Variants in SYNE2 observed in about 807,000 individuals in gnomAD.
SYNE2 encodes spectrin repeat containing nuclear envelope protein 2, also known as nesprin-2.
SYNE2 carries 431 observed loss-of-function variants against 856.3 expected under a neutral mutation model. That is an observed-to-expected ratio of 0.50 (90% confidence interval 0.47 to 0.55). SYNE2 has a LOEUF of 0.55. Ranked by LOEUF, SYNE2 falls within the 20% of genes least tolerant of loss-of-function variation. The probability of loss-of-function intolerance (pLI) is 0.00; values close to 1 mark genes in which losing one functional copy is unlikely to be tolerated. For missense variants in SYNE2, 8,129 were observed against 8,023.2 expected, an observed-to-expected ratio of 1.01 and a Z score of -0.50; for synonymous variants, 2,923 against 2,872.3, an observed-to-expected ratio of 1.02 and a Z score of -0.56.
At chr14:64,187,762 T>G (rs981758823) in intron 97 of SYNE2, among the ~76,000 whole-genome samples, 4 of 152,232 alleles carry the variant, frequency 2.6e-5, no homozygotes, top group African/African-American at 4.8e-5. Flanking sequence ...GCCACCCCTT[T>G]TAACGCTAAG....
rs1346485018 is a variant in SYNE2, at chr14:63,859,623, C to T, written c.-52+6480C>T. ...CACGAGGTCAAGAGCTGGAGACCAG[C>T]CTGGCCAACATAGTGAAATCCCATC... is the stretch of plus-strand genomic sequence containing the variant. On this transcript the variant is annotated intron_variant, in intron 1 of 115. Transcript: ENST00000555002. Among the ~76,000 whole-genome samples, 12 of 152,302 alleles carry T rather than the reference C, an allele frequency of 7.9e-5. No individual in the cohort carries two copies. The East Asian group carries it at 2.3e-3, about 29-fold the overall frequency.
intron 6 of SYNE2, among the ~76,000 whole-genome samples, chr14:63,943,047 T>C (rs2095948652): frequency 6.6e-6 from 1 of 152,232 alleles, no homozygotes; most frequent in African/African-American, 2.4e-5. Flanking sequence ...CTTCTTATTG[T>C]TTACTATGGC....
Position 64,141,812 on chromosome 14 carries a change from G to GTT in SYNE2, c.15160-121_15160-120dup, listed in dbSNP as rs5809213. The GTT allele has an allele frequency of 1.4e-3, 1,437 of 1,022,608 alleles. 7 individuals carry two copies. The African/African-American group carries it at 0.018, about 13-fold the overall frequency. The allele number at this position is 1,022,608 out of a possible 1,614,324, so 63.3% of individuals were successfully genotyped here. ...TATTCTAAGTTTGAATGCTGGGTTT[G>GTT]TTTTTTTTTTGAGTAACCTGCATAA... On this transcript the variant is annotated intron_variant, in intron 81 of 115. Coordinates refer to ENST00000555002, the MANE Select transcript of SYNE2 (RefSeq NM_182914.3).
At chr14:64,043,529 C>G (rs2097164159) in intron 45 of SYNE2, among the ~76,000 whole-genome samples, 2 of 152,122 alleles carry the variant, frequency 1.3e-5, no homozygotes, top group African/African-American at 4.8e-5. Flanking sequence ...TGGGCTGGGC[C>G]CAGAGTCCTT....
Position 64,047,983 on chromosome 14 carries a change from C to T in SYNE2, c.7222-17C>T, listed in dbSNP as rs1469656497. 2 of 1,612,632 alleles carry T rather than the reference C, an allele frequency of 1.2e-6. No individual in the cohort carries two copies. The highest frequency in any genetic ancestry group is 1.3e-5 in the African/African-American group (1 of 74,996). On this transcript the variant is annotated splice_polypyrimidine_tract_variant and intron_variant, in intron 45 of 115. Transcript: ENST00000555002. Reference sequence around the variant, plus strand: ...GAAAGTAGACTATTCAGCAATTAATCTTTTTATGTATTTCAGGATTCAGCT... The same window carrying T: ...GAAAGTAGACTATTCAGCAATTAATTTTTTTATGTATTTCAGGATTCAGCT...
chr14:63,817,454 C>T (rs1889036419), intron 1 of SYNE2, among the ~76,000 whole-genome samples: 1 of 151,794 alleles, frequency 6.6e-6, no homozygotes, highest in Non-Finnish European at 1.5e-5. Flanking sequence ...GTGACAGAGC[C>T]AGACCCTGTC....
intron 96 of SYNE2, 53 bp from the exon 97 acceptor site, chr14:64,186,368 AAAC>A (rs1567584833): frequency 1.2e-6 from 2 of 1,611,708 alleles, no homozygotes; most frequent in Non-Finnish European, 1.7e-6. Context: ...ACAGGTTTGG[AAAC>A]AACAGCCGCT....
chr14:63,909,279 T>C, intron 2 of SYNE2, 52 bp downstream of exon 2: 2 of 1,218,132 alleles, frequency 1.6e-6, no homozygotes, highest in South Asian at 2.4e-5. Context: ...GAAACCTTAC[T>C]TTTATCTAGT....
At chr14:64,221,546 C>T (rs768688330) in intron 111 of SYNE2, 30 bp from the exon 112 acceptor site, 25 of 1,614,032 alleles carry the variant, frequency 1.5e-5, no homozygotes, top group South Asian at 2.2e-5. Flanking sequence ...CTCTAAGACA[C>T]GGCCGCGCTC....
intron 1 of SYNE2, among the ~76,000 whole-genome samples, chr14:63,809,341 A>G (rs1344487255): frequency 2.0e-5 from 3 of 152,164 alleles, no homozygotes; most frequent in Admixed American, 6.5e-5. Flanking sequence ...AATTTTCTCA[A>G]TATTAAGAGT....
chr14:64,220,133 T>C (rs114083368), intron 110 of SYNE2, among the ~76,000 whole-genome samples: 2 of 152,226 alleles, frequency 1.3e-5, no homozygotes, highest in Non-Finnish European at 1.5e-5. Context: ...CACATATACT[T>C]TATCTGGAAG....
At position 64,143,884 on chromosome 14, in the gene SYNE2, T is replaced by C. The variant is rs147572168; in HGVS notation, c.15419T>C (p.Phe5140Ser). The C allele has an allele frequency of 2.5e-6, 4 of 1,613,998 alleles. No individual in the cohort carries two copies. In the African/African-American group the frequency reaches 5.3e-5, roughly 22 times the overall value. Residue 5140 changes from phenylalanine (F) to serine (S), a missense_variant, in exon 83 of 116, where the codon TTT (phenylalanine) becomes TCT (serine). Transcript: ENST00000555002. ...AGCAAGCGCTATGAAAGAACGGAGT[T>C]TGCAGAGCACCTGGGGGAGATGAAC... ...VESKRYERTE[F>S]AEHLGEMNRQ...
intron 1 of SYNE2, among the ~76,000 whole-genome samples, chr14:63,768,573 G>A (rs1886776353): frequency 6.6e-6 from 1 of 152,096 alleles, no homozygotes; most frequent in African/African-American, 2.4e-5. Context: ...TTGCTCAGTT[G>A]CTGCTAAAGA....
intron 11 of SYNE2, among the ~76,000 whole-genome samples, chr14:63,968,897 G>T (rs1281045371): frequency 6.6e-6 from 1 of 152,150 alleles, no homozygotes; most frequent in Non-Finnish European, 1.5e-5. Flanking sequence ...ATTATTGACT[G>T]TAGTCACCGT....
At chr14:64,057,714 T>G (rs1159864759) in intron 49 of SYNE2, among the ~76,000 whole-genome samples, 2 of 152,252 alleles carry the variant, frequency 1.3e-5, no homozygotes, top group Non-Finnish European at 2.9e-5. Context: ...CCATAGTGGT[T>G]GTACTAATTT....
rs1430702045 is a variant in SYNE2, at chr14:64,070,911, GTAAGATT to G, written c.10697+4_10697+10del. 2.7e-5 allele frequency: 44 copies of G among 1,614,000 alleles called. No individual in the cohort carries two copies. Among genetic ancestry groups the G allele is most frequent in the Non-Finnish European group, 3.6e-5 (43 of 1,179,978 alleles). ...CTTCTATGAAAGAACGATGCAACAAGTAAGATTTATGAAAAACTATTAAGGACGTGTG... is the reference window on the plus strand; with the variant it reads ...CTTCTATGAAAGAACGATGCAACAAGTATGAAAAACTATTAAGGACGTGTG... On this transcript the variant is annotated splice_donor_variant and splice_donor_5th_base_variant and intron_variant, in intron 52 of 115. Transcript: ENST00000555002. LOFTEE classifies it high-confidence loss of function.
In SYNE2 at chr14:64,130,071, A is replaced by G. The variant is rs1348925998; in HGVS notation, c.14163A>G (p.Gly4721=). 4 of 1,613,946 alleles carry G rather than the reference A, an allele frequency of 2.5e-6. No individual in the cohort carries two copies. The East Asian group carries it at 8.9e-5, about 36-fold the overall frequency. Residue 4721 remains glycine, a synonymous_variant, in exon 76 of 116, where the codon GGA becomes GGG. Coordinates refer to ENST00000555002, the MANE Select transcript of SYNE2 (RefSeq NM_182914.3). ...AGGATGTACTTGACAGTATGTGGGGAATGCTAAGAGCCAGGTACACAGAAC... is the reference window on the plus strand; with the variant it reads ...AGGATGTACTTGACAGTATGTGGGGGATGCTAAGAGCCAGGTACACAGAAC... ...KLEDVLDSMW[G]MLRARYTELS...
intron 45 of SYNE2, among the ~76,000 whole-genome samples, chr14:64,043,875 C>G (rs1194426473): frequency 6.6e-6 from 1 of 152,228 alleles, no homozygotes; most frequent in Non-Finnish European, 1.5e-5. Context: ...GGGGCACCAC[C>G]TAGTGGAGTG....
rs191114256 is a variant in SYNE2 at position 63,836,874 on chromosome 14, G to A, written c.-304-15627G>A. Among the ~76,000 whole-genome samples, 121 of 152,286 alleles carry A rather than the reference G, an allele frequency of 7.9e-4. No individual in the cohort carries two copies. In the Middle Eastern group the frequency reaches 0.01, roughly 13 times the overall value. Reference sequence around the variant, plus strand: ...CTCATCTCACAGAGAACAAAAGCCAGGGTTGTTAATATTCTGTTTCTAAGT... The same window carrying A: ...CTCATCTCACAGAGAACAAAAGCCAAGGTTGTTAATATTCTGTTTCTAAGT... On this transcript the variant is annotated intron_variant, in intron 1 of 23. Coordinates refer to the SYNE2 transcript ENST00000674003.
Sources: allele counts gnomAD v4.1 joint callset (sites outside exome capture counted in the v4.1 genomes callset), GRCh38; gene constraint gnomAD v4.1.1; transcripts MANE v1.5; gene names NCBI Gene and HGNC (gene_info 2026-07-23, HGNC 2026-07-21).